The following ADK variants were observed in gnomAD, a reference collection of about 807,000 sequenced individuals.
ADK encodes N6,N6-dimethyladenosine kinase.
A neutral mutation model predicts 44.7 loss-of-function variants in ADK; 24 were observed. The ratio of observed to expected loss-of-function variants is 0.54; its 90% CI spans 0.39 to 0.76. The LOEUF (loss-of-function observed/expected upper bound fraction) is 0.76. ADK is among the 30% of genes least tolerant of loss of function. The pLI is 0.00. For synonymous variants in ADK, 128 were observed against 142.6 expected, an observed-to-expected ratio of 0.90 and a Z score of 0.73; for missense variants, 321 against 425.1, an observed-to-expected ratio of 0.76 and a Z score of 2.15.
At chr10:74,384,634 G>A (rs968704143) in intron 4 of ADK, among the ~76,000 whole-genome samples, 4 of 152,130 alleles carry the variant, frequency 2.6e-5, no homozygotes. Context: ...TCGCACCACT[G>A]CTCTCCAGCC....
intron 6 of ADK, among the ~76,000 whole-genome samples, chr10:74,473,838 G>T (rs185547273): frequency 3.9e-5 from 6 of 151,900 alleles, no homozygotes; most frequent in Admixed American, 3.9e-4. Context: ...GGGGTGGGGG[G>T]GTAAATACAA....
At chr10:74,366,243 A>G (rs559431941) in intron 4 of ADK, among the ~76,000 whole-genome samples, 7 of 152,256 alleles carry the variant, frequency 4.6e-5, no homozygotes, top group Admixed American at 4.6e-4. Flanking sequence ...AAAACATAGT[A>G]AAGTATTTTA....
chr10:74,659,046 C>A (rs1363763032), intron 9 of ADK, among the ~76,000 whole-genome samples: 1 of 151,814 alleles, frequency 6.6e-6, no homozygotes, highest in African/African-American at 2.4e-5. Flanking sequence ...GGAGGCCCAT[C>A]TCTATAAAAA....
At position 74,585,598 on chromosome 10, in the gene ADK, T is replaced by G. The variant is rs1331035027; in HGVS notation, c.727-3684T>G. Reference sequence around the variant, plus strand: ...TCTCAGGGGAGCAGGAAAGCCTCTGTGTCGGTTGTTTATTTCCTTAATCCC... The same window carrying G: ...TCTCAGGGGAGCAGGAAAGCCTCTGGGTCGGTTGTTTATTTCCTTAATCCC... On this transcript the variant is annotated intron_variant, in intron 7 of 10. Transcript: ENST00000539909. Among the ~76,000 whole-genome samples the G allele has an allele frequency of 3.3e-5, 5 of 152,218 alleles. No individual in the cohort carries two copies. The East Asian group carries it at 5.8e-4, about 18-fold the overall frequency.
intron 6 of ADK, among the ~76,000 whole-genome samples, chr10:74,502,637 T>A (rs1393325616): frequency 6.6e-6 from 1 of 152,158 alleles, no homozygotes; most frequent in African/African-American, 2.4e-5. Flanking sequence ...TGTAAAAAAA[T>A]TATATAAATG....
In ADK at chr10:74,477,804, G is replaced by T. The variant is rs532500878; in HGVS notation, c.556-47452G>T. Among the ~76,000 whole-genome samples the T allele has an allele frequency of 1.1e-4, 17 of 152,122 alleles. No individual in the cohort carries two copies. In the South Asian group the frequency reaches 2.1e-3, roughly 19 times the overall value. On this transcript the variant is annotated intron_variant, in intron 6 of 10. Transcript: ENST00000539909. The stretch of plus-strand genomic sequence containing the variant: ...ATTCTCCTCCCTCCTGCAAATTTTT[G>T]ATCTTATTCATAACAGTTAAAAGGC...
chr10:74,247,224 G>GTTTTTTTTTTTTTTTTTT (rs142274121), intron 3 of ADK, among the ~76,000 whole-genome samples: 6 of 72,008 alleles, frequency 8.3e-5, no homozygotes, highest in East Asian at 4.5e-4. Flanking sequence ...TTTTTTTTAA[G>GTTTTTTTTTTTTTTTTTT]TTTTTTTTTT....
chr10:74,632,411 G>A (rs1391239918), intron 9 of ADK, among the ~76,000 whole-genome samples: 1 of 152,096 alleles, frequency 6.6e-6, no homozygotes, highest in African/African-American at 2.4e-5. Flanking sequence ...TCACAGTTCT[G>A]AAGGCTAGAA....
chr10:74,407,093 A>T (rs1332065247), intron 6 of ADK, among the ~76,000 whole-genome samples: 1 of 151,748 alleles, frequency 6.6e-6, no homozygotes, highest in Non-Finnish European at 1.5e-5. Flanking sequence ...AGTAACTGGA[A>T]CTGCAGGAGT....
intron 9 of ADK, among the ~76,000 whole-genome samples, chr10:74,614,821 C>T (rs1031402091): frequency 3.9e-5 from 6 of 152,196 alleles, no homozygotes; most frequent in South Asian, 2.1e-4. Context: ...TAACTGTGCT[C>T]TAGATATGCT....
At chr10:74,582,065 A>G (rs981365365) in intron 7 of ADK, among the ~76,000 whole-genome samples, 1 of 152,218 alleles carries the variant, frequency 6.6e-6, no homozygotes, top group South Asian at 2.1e-4. Context: ...AAAAGAACTG[A>G]CATTCATTGA....
At chr10:74,368,465 A>G (rs1249181393) in intron 4 of ADK, among the ~76,000 whole-genome samples, 1 of 151,754 alleles carries the variant, frequency 6.6e-6, no homozygotes, top group Non-Finnish European at 1.5e-5. Context: ...AATTTCTTCT[A>G]GGGTAAACAT....
At chr10:74,557,735 G>A (rs1395807546) in intron 7 of ADK, among the ~76,000 whole-genome samples, 2 of 152,132 alleles carry the variant, frequency 1.3e-5, no homozygotes, top group African/African-American at 2.4e-5. Flanking sequence ...AAAGGCAGGG[G>A]TACATTTCAG....
chr10:74,240,392 GTGTGTGTGTC>G (rs1250828568), intron 3 of ADK, among the ~76,000 whole-genome samples: 2 of 151,600 alleles, frequency 1.3e-5, no homozygotes, highest in Non-Finnish European at 2.9e-5. Flanking sequence ...GTGTGTGTGT[GTGTGTGTGTC>G]TGTGTGTGTG....
intron 4 of ADK, chr10:74,372,139 A>G: frequency 2.7e-6 from 2 of 750,520 alleles, no homozygotes; most frequent in Non-Finnish European, 4.9e-6. Flanking sequence ...CCTGATCTCT[A>G]CAGAGATCCT....
chr10:74,531,506 T>C (rs1849291163), intron 7 of ADK, among the ~76,000 whole-genome samples: 1 of 152,150 alleles, frequency 6.6e-6, no homozygotes, highest in Non-Finnish European at 1.5e-5. Context: ...AAAGGCTGAA[T>C]TGCTTCAGTG....
chr10:74,274,646 C>T (rs1846587321), intron 3 of ADK, among the ~76,000 whole-genome samples: 1 of 149,388 alleles, frequency 6.7e-6, no homozygotes, highest in South Asian at 2.1e-4. Context: ...TCCTTGTCAT[C>T]TTCATATTGA....
At chr10:74,352,822 A>C (rs956174577) in intron 4 of ADK, among the ~76,000 whole-genome samples, 1 of 152,244 alleles carries the variant, frequency 6.6e-6, no homozygotes, top group African/African-American at 2.4e-5. Flanking sequence ...ATTGCTCATC[A>C]TCATTGGTCA....
intron 9 of ADK, among the ~76,000 whole-genome samples, chr10:74,621,292 A>G (rs1180304402): frequency 6.6e-6 from 1 of 152,150 alleles, no homozygotes; most frequent in Non-Finnish European, 1.5e-5. Context: ...CTAGATGCAT[A>G]TTTAGTTTTC....
Sources: gnomAD v4.1 joint callset for allele counts (sites outside exome capture counted in the v4.1 genomes callset) on GRCh38, gnomAD v4.1.1 for gene constraint, MANE v1.5 for transcripts, NCBI Gene and HGNC (gene_info 2026-07-23, HGNC 2026-07-21) for gene names.